The following MEGF6 variants were observed in gnomAD, a reference collection of about 807,000 sequenced individuals.
The protein encoded by MEGF6 is multiple epidermal growth factor-like domains protein 6.
In MEGF6, 184 loss-of-function variants were observed where a neutral mutation model predicts 207.1. The observed-to-expected ratio is 0.89, with a 90% CI of 0.79 to 1.00. The LOEUF is 1.00. MEGF6 is among the 50% of genes least tolerant of loss of function. The pLI, the probability that MEGF6 is intolerant of heterozygous loss-of-function variation, is 0.00. For synonymous variants in MEGF6, 1,038 were observed against 910.0 expected, an observed-to-expected ratio of 1.14 and a Z score of -2.53; for missense variants, 2,282 against 2,202.9, an observed-to-expected ratio of 1.04 and a Z score of -0.72.
At chr1:3,501,482 G>A (rs995505259) in intron 18 of MEGF6, among the ~76,000 whole-genome samples, 174 bp from the exon 19 acceptor site, 6 of 152,034 alleles carry the variant, frequency 3.9e-5, no homozygotes, top group Admixed American at 1.3e-4. Context: ...TGCAGGCTGC[G>A]GGGTGCGCAC....
At chr1:3,542,703 C>T (rs1642570338) in intron 4 of MEGF6, among the ~76,000 whole-genome samples, 1 of 152,160 alleles carries the variant, frequency 6.6e-6, no homozygotes, top group African/African-American at 2.4e-5. Flanking sequence ...GGACTTGCCG[C>T]ATCTTACAGA....
At chr1:3,530,450 CG>C (rs1220978797) in intron 4 of MEGF6, among the ~76,000 whole-genome samples, 1 of 152,222 alleles carries the variant, frequency 6.6e-6, no homozygotes, top group East Asian at 1.9e-4. Flanking sequence ...CTCCAATTCC[CG>C]AGGGTGCCCA....
intron 14 of MEGF6, 65 bp downstream of exon 14, chr1:3,507,730 G>A: frequency 1.2e-6 from 2 of 1,600,784 alleles, no homozygotes; most frequent in African/African-American, 2.7e-5. Context: ...GTGGAGGGGT[G>A]GTGTCTCCCA....
intron 4 of MEGF6, among the ~76,000 whole-genome samples, chr1:3,553,697 G>A (rs1642954558): frequency 6.6e-6 from 1 of 152,214 alleles, no homozygotes; most frequent in Non-Finnish European, 1.5e-5. Context: ...CAGGAGCACT[G>A]ACGAAAACCA....
chr1:3,515,632 T>TGGGAGGG, intron 5 of MEGF6, 105 bp from the exon 6 acceptor site: 2 of 1,396,486 alleles, frequency 1.4e-6, no homozygotes, highest in Non-Finnish European at 9.7e-7. Context: ...TTCTTCCTGC[T>TGGGAGGG]GTAGGACCCC....
chr1:3,492,123 G>A (rs145038671), intron 35 of MEGF6, among the ~76,000 whole-genome samples: 3 of 152,048 alleles, frequency 2.0e-5, no homozygotes, highest in Non-Finnish European at 4.4e-5. Context: ...GCAGGACTGC[G>A]TGCGTGGACT....
intron 9 of MEGF6, among the ~76,000 whole-genome samples, chr1:3,511,121 A>C (rs568483919): frequency 1.3e-5 from 2 of 152,194 alleles, no homozygotes; most frequent in African/African-American, 4.8e-5. Context: ...CTGGTCCCGC[A>C]TATGTGCACA....
At chr1:3,530,267 C>T (rs1052719402) in intron 4 of MEGF6, among the ~76,000 whole-genome samples, 1 of 152,186 alleles carries the variant, frequency 6.6e-6, no homozygotes, top group Non-Finnish European at 1.5e-5. Flanking sequence ...TAGTCCTTCA[C>T]GCAGGAGAGA....
chr1:3,611,119 C>A lies in MEGF6; in HGVS notation c.131+19G>T. 1 of 1,492,304 alleles carries A rather than the reference C, an allele frequency of 6.7e-7. No individual in the cohort carries two copies. Among genetic ancestry groups the A allele is most frequent in the Non-Finnish European group, 8.9e-7 (1 of 1,129,868 alleles). The allele number at this position is 1,492,304 out of a possible 1,614,324, so 92.4% of individuals were successfully genotyped here. ...GTCCCTGGACGACCGGCCGAGCCCTCCCAGCTCCTGCTACTCACATGCCGG... is the reference window on the plus strand; with the variant it reads ...GTCCCTGGACGACCGGCCGAGCCCTACCAGCTCCTGCTACTCACATGCCGG... On this transcript the variant is annotated intron_variant, in intron 1 of 36. Transcript: ENST00000356575.
rs368448423 is a variant in MEGF6 at position 3,556,959 on chromosome 1, T to C, written c.481+22866A>G. On this transcript the variant is annotated intron_variant, in intron 4 of 36. Transcript: ENST00000356575. This position sits in a 1 kb window ranked among gnomAD's most constrained non-coding sequence, Gnocchi z 4.4. ...CCGATCCCGGCTTATCTGGGGGGCCTGGTGGAATCACATGGAGTTTCATGG... is the reference window on the plus strand; with the variant it reads ...CCGATCCCGGCTTATCTGGGGGGCCCGGTGGAATCACATGGAGTTTCATGG... Among the ~76,000 whole-genome samples the C allele has an allele frequency of 3.3e-5, 5 of 152,252 alleles. No individual in the cohort carries two copies. The highest frequency in any genetic ancestry group is 4.1e-4 in the South Asian group (2 of 4,824).
chr1:3,618,142 A>G, the MEGF6 span, among the ~76,000 whole-genome samples: 120,221 of 152,152 alleles, frequency 0.79, 47,674 homozygotes, highest in East Asian at 0.98. The surrounding 1 kb of genome is among the most constrained non-coding windows in gnomAD (Gnocchi z 4.7). Flanking sequence ...CAGCAAGGCC[A>G]AGCCTGGGAG....
intron 7 of MEGF6, among the ~76,000 whole-genome samples, chr1:3,514,187 G>A (rs1470867770): frequency 6.6e-6 from 1 of 151,800 alleles, no homozygotes; most frequent in Non-Finnish European, 1.5e-5. Flanking sequence ...GGCGGAGCTT[G>A]CAGTGAGCTG....
intron 4 of MEGF6, among the ~76,000 whole-genome samples, chr1:3,531,742 CAT>C (rs1002869674): frequency 2.0e-4 from 31 of 152,222 alleles, no homozygotes; most frequent in Middle Eastern, 6.8e-3. Context: ...CATGCACAAA[CAT>C]GTGTGTTCTT....
chr1:3,490,634 G>A (rs769856222), intron 36 of MEGF6, 45 bp from the exon 37 acceptor site: 2 of 1,599,530 alleles, frequency 1.3e-6, no homozygotes, highest in Admixed American at 3.4e-5. Context: ...TGGGGCGGGT[G>A]CTCCCAGAAC....
chr1:3,561,535 T>C (rs1238623339), intron 4 of MEGF6, among the ~76,000 whole-genome samples: 1 of 152,134 alleles, frequency 6.6e-6, no homozygotes, highest in Non-Finnish European at 1.5e-5. Flanking sequence ...CAGGCCTGGA[T>C]GGTCGGGGAC....
At position 3,565,209 on chromosome 1, in the gene MEGF6, G is replaced by A. The variant is rs1350064596; in HGVS notation, c.481+14616C>T. ...TCGTCCTCTCTCCCACTGTGTCCCC[G>A]AGGCCTGGGCAGTTGGGCGTCCCCA... On this transcript the variant is annotated intron_variant, in intron 4 of 36. Transcript: ENST00000356575. This position sits in a 1 kb window ranked among gnomAD's most constrained non-coding sequence, Gnocchi z 4.8. Among the ~76,000 whole-genome samples the A allele has an allele frequency of 3.3e-5, 5 of 151,922 alleles. No individual in the cohort carries two copies. The highest frequency in any genetic ancestry group is 1.9e-4 in the East Asian group (1 of 5,146).
chr1:3,541,067 C>G (rs149177675), intron 4 of MEGF6, among the ~76,000 whole-genome samples: 1 of 152,192 alleles, frequency 6.6e-6, no homozygotes, highest in African/African-American at 2.4e-5. Flanking sequence ...TGGGGCCAGG[C>G]GCAGGCTGGG....
chr1:3,535,559 C>T (rs1642300395), intron 4 of MEGF6, among the ~76,000 whole-genome samples: 2 of 152,188 alleles, frequency 1.3e-5, no homozygotes, highest in African/African-American at 2.4e-5. Context: ...CTGCTCCTCT[C>T]CTCCTCATCT....
intron 35 of MEGF6, among the ~76,000 whole-genome samples, chr1:3,491,776 G>T (rs1175770352): frequency 8.9e-5 from 7 of 78,302 alleles, no homozygotes; most frequent in African/African-American, 3.6e-4. Flanking sequence ...GTGCGGGGGT[G>T]GGGGGGGGGG....
Sources: allele counts gnomAD v4.1 joint callset (sites outside exome capture counted in the v4.1 genomes callset), GRCh38; gene constraint gnomAD v4.1.1; non-coding constraint Gnocchi (gnomAD v3.1); transcripts MANE v1.5; gene names NCBI Gene and HGNC (gene_info 2026-07-23, HGNC 2026-07-21).